The following SLC8B1 variants were observed in gnomAD, a reference collection of about 807,000 sequenced individuals.
SLC8B1 encodes mitochondrial sodium/calcium exchanger protein.
In SLC8B1, 52 loss-of-function variants were observed where a neutral mutation model predicts 63.4. The ratio of observed to expected loss-of-function variants is 0.82; its 90% CI spans 0.66 to 1.03. The LOEUF (loss-of-function observed/expected upper bound fraction) is 1.03, where lower values mean the gene tolerates loss of function less well. Ranked by LOEUF, SLC8B1 falls within the 50% of genes least tolerant of loss-of-function variation. SLC8B1 has a pLI of 0.00. For synonymous variants in SLC8B1, 336 were observed against 323.9 expected (o/e 1.04, Z -0.40); for missense variants, 657 against 741.7 (o/e 0.89, Z 1.33).
chr12:113,320,596 G>A lies in SLC8B1; in HGVS notation c.511C>T (p.Leu171Phe), dbSNP rs867387566. 1 of 1,614,058 alleles carries A rather than the reference G, an allele frequency of 6.2e-7. No individual in the cohort carries two copies. Among genetic ancestry groups the A allele is most frequent in the Non-Finnish European group, 8.5e-7 (1 of 1,180,022 alleles). Reference sequence around the variant, plus strand: ...CTGCTCTCACCAAACAGTGCCCCAAGGGCCAGGCCGGCTGTGTGCGGGTCA... The same window carrying A: ...CTGCTCTCACCAAACAGTGCCCCAAAGGCCAGGCCGGCTGTGTGCGGGTCA... Reference protein sequence around the residue: ...FSDPHTAGLALGALFGAGVLV... With the variant: ...FSDPHTAGLAFGALFGAGVLV... The change falls in exon 6 of 16, where the codon CTT becomes TTT. Residue 171 changes from leucine to phenylalanine, a missense_variant. Physicochemically the swap from Leu to Phe is conservative, Grantham distance 22. Coordinates refer to ENST00000680972, the MANE Select transcript of SLC8B1 (RefSeq NM_001358345.2). This position sits in a 1 kb window ranked among gnomAD's most constrained non-coding sequence, Gnocchi z 5.3.
chr12:113,326,009 C>T (rs1212810427), intron 2 of SLC8B1, among the ~76,000 whole-genome samples: 2 of 152,154 alleles, frequency 1.3e-5, no homozygotes, highest in Admixed American at 6.6e-5. Flanking sequence ...GGAATGATTC[C>T]CCTTTAACAT....
chr12:113,315,907 C>T (rs188725571), intron 10 of SLC8B1, among the ~76,000 whole-genome samples: 2 of 152,320 alleles, frequency 1.3e-5, no homozygotes, highest in Admixed American at 6.5e-5. Flanking sequence ...ACTGGGCCCA[C>T]TGGATAAGCC....
At position 113,320,360 on chromosome 12, in the gene SLC8B1, C is replaced by T. The variant is rs200728763; in HGVS notation, c.665G>A (p.Arg222His). ...AGCCCATGCCAGGGTGACCCTGCCA[C>T]GGAAGAGCATGAGGAAGGTCAGGAA... ...AVFLTFLMLF[R>H]GRVTLAWALG... Residue 222 changes from arginine to histidine, a missense_variant, in exon 7 of 16, where the codon CGT becomes CAT. Arg to His is a conservative substitution (Grantham distance 29). Transcript: ENST00000680972. This position sits in a 1 kb window ranked among gnomAD's most constrained non-coding sequence, Gnocchi z 5.3. 3.8e-5 allele frequency: 62 copies of T among 1,614,122 alleles called. No individual in the cohort carries two copies. The highest frequency in any genetic ancestry group is 2.8e-4 in the Admixed American group (17 of 60,006).
At chr12:113,322,262 A>C (rs973485942) in intron 2 of SLC8B1, among the ~76,000 whole-genome samples, 4 of 152,158 alleles carry the variant, frequency 2.6e-5, no homozygotes, top group Admixed American at 1.3e-4. Context: ...TAAACAGTTA[A>C]GGAGACTGAG....
chr12:113,307,636 G>C, intron 13 of SLC8B1, 55 bp downstream of exon 13: 2 of 1,576,744 alleles, frequency 1.3e-6, no homozygotes, highest in Non-Finnish European at 1.7e-6. Flanking sequence ...GGGGAGGAAA[G>C]AGCTAAGATG....
intron 7 of SLC8B1, 116 bp from the exon 8 acceptor site, chr12:113,319,187 C>A (rs1956885848): frequency 1.3e-6 from 1 of 749,332 alleles, no homozygotes; most frequent in Admixed American, 2.1e-5. Flanking sequence ...TTAGCCCATC[C>A]AGGTACCAGT....
intron 13 of SLC8B1, chr12:113,306,963 T>G: frequency 4.2e-6 from 1 of 237,906 alleles, no homozygotes; most frequent in East Asian, 8.3e-5. Flanking sequence ...ATACAAAAAT[T>G]AGCTGGGCAT....
At chr12:113,318,816 C>T (rs114394597) in intron 8 of SLC8B1, 148 bp downstream of exon 8, 12,343 of 603,504 alleles carry the variant, frequency 0.02, 1,148 homozygotes, top group African/African-American at 0.2. Flanking sequence ...AGCACGGAGG[C>T]GGGACCTCAG....
intron 15 of SLC8B1, among the ~76,000 whole-genome samples, chr12:113,302,962 C>T (rs1383291360): frequency 6.6e-6 from 1 of 152,026 alleles, no homozygotes; most frequent in Non-Finnish European, 1.5e-5. Flanking sequence ...TGCCATTTAA[C>T]GGCAGGAGCG....
chr12:113,307,615 G>A (rs576197848), intron 13 of SLC8B1, 76 bp downstream of exon 13: 28 of 1,536,358 alleles, frequency 1.8e-5, no homozygotes, highest in African/African-American at 1.6e-4. Context: ...GCCCAGATGC[G>A]ACTCTGGCTG....
Position 113,320,467 on chromosome 12 carries a change from G to A in SLC8B1, c.558C>T (p.Ala186=), listed in dbSNP as rs766111299. ...GAGVLVTTVV[A]GGITILHPFM... is the part of the protein sequence containing the mutation. Reference sequence around the variant, plus strand: ...AGGGGTGTAGGATGGTAATGCCTCCGGCCACCACTGTGGTAACCAGCACGC... The same window carrying A: ...AGGGGTGTAGGATGGTAATGCCTCCAGCCACCACTGTGGTAACCAGCACGC... The change falls in exon 7 of 16, where the codon GCC becomes GCT. Residue 186 remains alanine (A), a synonymous_variant. Transcript: ENST00000680972. The surrounding 1 kb of genome is among the most constrained non-coding windows in gnomAD (Gnocchi z 5.3). The A allele has an allele frequency of 1.3e-5, 21 of 1,614,088 alleles. No homozygotes were observed. The highest frequency in any genetic ancestry group is 3.3e-4 in the Middle Eastern group (2 of 6,062).
At chr12:113,332,688 C>T in intron 2 of SLC8B1, 35 bp downstream of exon 2, 1 of 1,597,984 alleles carries the variant, frequency 6.3e-7, no homozygotes, top group Non-Finnish European at 8.5e-7. Context: ...GGAACACAGC[C>T]CCACTCAACC....
chr12:113,328,313 G>A lies in SLC8B1; in HGVS notation c.156+4410C>T, dbSNP rs191219441. ...CAACGTGCTGGGATTACACAGGTGG[G>A]CCACCAAGCCTGGCCAGAAATTTTT... is the stretch of plus-strand genomic sequence containing the variant. On this transcript the variant is annotated intron_variant, in intron 2 of 15. Transcript: ENST00000680972. Among the ~76,000 whole-genome samples the A allele has an allele frequency of 5.9e-5, 9 of 152,300 alleles. No individual in the cohort carries two copies. The East Asian group carries it at 1.7e-3, about 29-fold the overall frequency.
At chr12:113,326,144 AAAG>A (rs1192373956) in intron 2 of SLC8B1, among the ~76,000 whole-genome samples, 3 of 152,226 alleles carry the variant, frequency 2.0e-5, no homozygotes, top group East Asian at 1.9e-4. Context: ...ACATAAATCA[AAAG>A]AAGAATTTTC....
Position 113,320,506 on chromosome 12 carries a change from G to A in SLC8B1, c.527-8C>T, listed in dbSNP as rs773118796. ...TAACCAGCACGCCAGCGCCTGGGGGGAGGAGGCCAGAGCTCAGCCACCCTG... is the reference window on the plus strand; with the variant it reads ...TAACCAGCACGCCAGCGCCTGGGGGAAGGAGGCCAGAGCTCAGCCACCCTG... On this transcript the variant is annotated splice_polypyrimidine_tract_variant and splice_region_variant and intron_variant, in intron 6 of 15. Transcript: ENST00000680972. The surrounding 1 kb of genome is among the most constrained non-coding windows in gnomAD (Gnocchi z 5.3). 7 of 1,613,994 alleles carry A rather than the reference G, an allele frequency of 4.3e-6. No homozygotes were observed. Among genetic ancestry groups the A allele is most frequent in the South Asian group, 1.1e-5 (1 of 91,090 alleles).
At chr12:113,309,236 T>C (rs1478684447) in intron 12 of SLC8B1, among the ~76,000 whole-genome samples, 3 of 150,366 alleles carry the variant, frequency 2.0e-5, no homozygotes, top group Non-Finnish European at 4.4e-5. Flanking sequence ...TGATGCGATC[T>C]CATCTCACTG....
rs1956923183 is a variant in SLC8B1, at chr12:113,321,234, A to G, written c.271T>C (p.Phe91Leu). The G allele has an allele frequency of 6.2e-7, 1 of 1,614,168 alleles. No individual in the cohort carries two copies. The highest frequency in any genetic ancestry group is 2.2e-5 in the East Asian group (1 of 44,884). Reference sequence around the variant, plus strand: ...GCCAGAGGGAGGAGGCTGGGAGGGAAGTGGCAGAAGATGCCTTCCAGGTAG... The same window carrying G: ...GCCAGAGGGAGGAGGCTGGGAGGGAGGTGGCAGAAGATGCCTTCCAGGTAG... ...LDYLEGIFCH[F>L]PPSLLPLAVT... The change falls in exon 3 of 16, where the codon TTC becomes CTC. Residue 91 changes from phenylalanine (F) to leucine (L), a missense_variant. By Grantham distance (22) the Phe-to-Leu change is conservative. Transcript: ENST00000680972.
chr12:113,315,390 A>G lies in SLC8B1; in HGVS notation c.1080T>C (p.Cys360=). 6.4e-7 allele frequency: 1 copy of G among 1,571,760 alleles called. No individual in the cohort carries two copies. The highest frequency in any genetic ancestry group is 8.6e-7 in the Non-Finnish European group (1 of 1,158,102). The change falls in exon 11 of 16, where the codon TGT becomes TGC. Residue 360 remains cysteine (C), a synonymous_variant. Transcript: ENST00000680972. The stretch of plus-strand genomic sequence containing the variant: ...CCAGGGGGCTGATAACCAGATGCAG[A>G]CAGTTGAGGGGCCGTTTCCAGTTCT... ...DDQNWKRPLN[C]LHLVISPLVV... is the part of the protein sequence containing the mutation.
intron 8 of SLC8B1, among the ~76,000 whole-genome samples, chr12:113,318,166 A>G (rs1231858756): frequency 2.6e-5 from 4 of 151,902 alleles, no homozygotes; most frequent in Non-Finnish European, 4.4e-5. Context: ...TTTGTGTTGC[A>G]GATGTGTATG....
Sources: gnomAD v4.1 joint callset for allele counts (sites outside exome capture counted in the v4.1 genomes callset) on GRCh38, gnomAD v4.1.1 for gene constraint, Gnocchi (gnomAD v3.1) non-coding constraint, MANE v1.5 for transcripts, NCBI Gene and HGNC (gene_info 2026-07-23, HGNC 2026-07-21) for gene names.